Variants in PCDHGA7 observed in about 807,000 individuals in gnomAD.
PCDHGA7 encodes protocadherin gamma subfamily A, 7.
PCDHGA7 carries 44 observed loss-of-function variants against 58.3 expected under a neutral mutation model. That is an observed-to-expected ratio of 0.75 (90% CI 0.59 to 0.97). The LOEUF is 0.97. Among genes scored for constraint, PCDHGA7 ranks in the 50% least tolerant of loss-of-function variants. PCDHGA7 has a pLI of 0.00. For missense variants in PCDHGA7, 1,266 were observed against 1,188.7 expected (o/e 1.06, Z -0.96); for synonymous variants, 516 against 504.2 (o/e 1.02, Z -0.31).
chr5:141,432,622 G>A lies in PCDHGA7; in HGVS notation c.2424+47299G>A. 6.2e-7 allele frequency: 1 copy of A among 1,612,776 alleles called. No individual in the cohort carries two copies. The stretch of plus-strand genomic sequence containing the variant: ...AGCCGGGACTCTTCTCGGTGGGTCT[G>A]CACACGGGCGAGGTGCGCACGGCGC... On this transcript the variant is annotated intron_variant, in intron 1 of 3. Transcript: ENST00000518325. This position sits in a 1 kb window ranked among gnomAD's most constrained non-coding sequence, Gnocchi z 6.0.
intron 1 of PCDHGA7, among the ~76,000 whole-genome samples, chr5:141,435,652 G>A (rs978809372): frequency 3.9e-5 from 6 of 152,226 alleles, no homozygotes; most frequent in East Asian, 1.9e-4. Flanking sequence ...TTTCTGAAAC[G>A]TGCACAGATT....
Position 141,491,248 on chromosome 5 carries a change from G to T in PCDHGA7, c.2425-3559G>T, listed in dbSNP as rs757712577. On this transcript the variant is annotated intron_variant, in intron 1 of 3. Transcript: ENST00000518325. The surrounding 1 kb of genome is among the most constrained non-coding windows in gnomAD (Gnocchi z 6.9). ...AGTGCTGCTGGTTCTGGAGGATGAG[G>T]ACCCTGAGGAAATGCCCAAATCCAG... 3 of 1,614,170 alleles carry T rather than the reference G, an allele frequency of 1.9e-6. No individual in the cohort carries two copies. Among genetic ancestry groups the T allele is most frequent in the Non-Finnish European group, 2.5e-6 (3 of 1,180,018 alleles).
Position 141,490,685 on chromosome 5 carries a change from A to G in PCDHGA7, c.2425-4122A>G, listed in dbSNP as rs2099703028. On this transcript the variant is annotated intron_variant, in intron 1 of 3. Coordinates refer to ENST00000518325, the MANE Select transcript of PCDHGA7 (RefSeq NM_018920.4). The surrounding 1 kb of genome is among the most constrained non-coding windows in gnomAD (Gnocchi z 5.4). ...TGCACTGTGGCTGCCTCAGATCCAGACACTGGGGATAATGCCCGCCTCACC... is the reference window on the plus strand; with the variant it reads ...TGCACTGTGGCTGCCTCAGATCCAGGCACTGGGGATAATGCCCGCCTCACC... The G allele has an allele frequency of 1.9e-6, 3 of 1,614,030 alleles. No individual in the cohort carries two copies. Among genetic ancestry groups the G allele is most frequent in the South Asian group, 2.2e-5 (2 of 91,082 alleles).
intron 1 of PCDHGA7, among the ~76,000 whole-genome samples, chr5:141,449,007 T>A (rs937327801): frequency 3.3e-5 from 5 of 152,116 alleles, no homozygotes; most frequent in African/African-American, 1.2e-4. Context: ...CTGTTTTTTT[T>A]AACAGTTGCT....
intron 1 of PCDHGA7, among the ~76,000 whole-genome samples, chr5:141,425,504 T>A (rs1049969153): frequency 2.6e-5 from 4 of 152,260 alleles, no homozygotes; most frequent in Non-Finnish European, 5.9e-5. Flanking sequence ...TACCTTTATA[T>A]TCTCTTTATG....
chr5:141,406,258 G>A (rs895877034), intron 1 of PCDHGA7, among the ~76,000 whole-genome samples: 2 of 151,882 alleles, frequency 1.3e-5, no homozygotes, highest in African/African-American at 4.8e-5. Context: ...GGTCTCAAAC[G>A]ATCTTCCTGC....
At position 141,490,006 on chromosome 5, in the gene PCDHGA7, C is replaced by T; in HGVS notation, c.2425-4801C>T. The stretch of plus-strand genomic sequence containing the variant: ...ACGTGTGGGAATCCCAGAGAATGCA[C>T]CCATTGGTACTCTGCTGCTCCGCCT... On this transcript the variant is annotated intron_variant, in intron 1 of 3. Coordinates refer to ENST00000518325, the MANE Select transcript of PCDHGA7 (RefSeq NM_018920.4). This position sits in a 1 kb window ranked among gnomAD's most constrained non-coding sequence, Gnocchi z 5.4. 2 of 1,614,222 alleles carry T rather than the reference C, an allele frequency of 1.2e-6. No homozygotes were observed. The highest frequency in any genetic ancestry group is 1.7e-6 in the Non-Finnish European group (2 of 1,180,010).
intron 1 of PCDHGA7, chr5:141,389,516 G>A: frequency 6.2e-7 from 1 of 1,613,168 alleles, no homozygotes; most frequent in Non-Finnish European, 8.5e-7. Context: ...GCGCGAACGT[G>A]AGCCTGCGCG....
intron 1 of PCDHGA7, chr5:141,394,371 T>G: frequency 6.2e-7 from 1 of 1,614,174 alleles, no homozygotes; most frequent in Non-Finnish European, 8.5e-7. Context: ...GCTGCAATCT[T>G]TCGACTATGA....
chr5:141,491,493 G>A lies in PCDHGA7; in HGVS notation c.2425-3314G>A, dbSNP rs1008591563. On this transcript the variant is annotated intron_variant, in intron 1 of 3. Transcript: ENST00000518325. This position sits in a 1 kb window ranked among gnomAD's most constrained non-coding sequence, Gnocchi z 6.9. ...AGCAGTCCAGCCCCAACCTGCAGGT[G>A]AGCTCGGACGGCACGCTCAAGTACA... 6.2e-7 allele frequency: 1 copy of A among 1,614,000 alleles called. No homozygotes were observed. Among genetic ancestry groups the A allele is most frequent in the African/African-American group, 1.3e-5 (1 of 74,928 alleles).
In PCDHGA7 at chr5:141,490,770, C is replaced by T. The variant is rs774014462; in HGVS notation, c.2425-4037C>T. 1.2e-6 allele frequency: 2 copies of T among 1,614,120 alleles called. No individual in the cohort carries two copies. Among genetic ancestry groups the T allele is most frequent in the Non-Finnish European group, 8.5e-7 (1 of 1,179,968 alleles). ...CAGCCTCCTCCTTTGTGTATGTCAA[C>T]CCAGAGGATGGACGGATCTTTGCCC... On this transcript the variant is annotated intron_variant, in intron 1 of 3. Transcript: ENST00000518325. The surrounding 1 kb of genome is among the most constrained non-coding windows in gnomAD (Gnocchi z 5.4).
chr5:141,408,313 T>C, intron 1 of PCDHGA7: 1 of 1,613,758 alleles, frequency 6.2e-7, no homozygotes, highest in South Asian at 1.1e-5. Context: ...GCTACTCGAT[T>C]CCGGAGGAGC....
chr5:141,405,201 T>C, intron 1 of PCDHGA7: 1 of 1,614,050 alleles, frequency 6.2e-7, no homozygotes, highest in Non-Finnish European at 8.5e-7. Context: ...CGAGCTTTCC[T>C]ACAGACCTAT....
Position 141,477,143 on chromosome 5 carries a change from G to A in PCDHGA7, c.2425-17664G>A. Reference sequence around the variant, plus strand: ...ACATTGCAAAGTGTTGGTGGAGGTTGTGGATGTGAATGACAACGCCCCGGA... The same window carrying A: ...ACATTGCAAAGTGTTGGTGGAGGTTATGGATGTGAATGACAACGCCCCGGA... On this transcript the variant is annotated intron_variant, in intron 1 of 3. Transcript: ENST00000518325. This position sits in a 1 kb window ranked among gnomAD's most constrained non-coding sequence, Gnocchi z 4.9. 6.2e-7 allele frequency: 1 copy of A among 1,614,198 alleles called. No individual in the cohort carries two copies. Among genetic ancestry groups the A allele is most frequent in the Non-Finnish European group, 8.5e-7 (1 of 1,180,036 alleles).
rs1433790348 is a variant in PCDHGA7, at chr5:141,431,831, G to A, written c.2424+46508G>A. The A allele has an allele frequency of 1.2e-6, 2 of 1,614,110 alleles. No homozygotes were observed. The highest frequency in any genetic ancestry group is 1.7e-6 in the Non-Finnish European group (2 of 1,180,040). On this transcript the variant is annotated intron_variant, in intron 1 of 3. Transcript: ENST00000518325. The surrounding 1 kb of genome is among the most constrained non-coding windows in gnomAD (Gnocchi z 4.8). Reference sequence around the variant, plus strand: ...CACCTCTCTCGCCAGCTCGGTTCCCGAAAACTCTCCCAGAGGGACATTAAT... The same window carrying A: ...CACCTCTCTCGCCAGCTCGGTTCCCAAAAACTCTCCCAGAGGGACATTAAT...
At chr5:141,408,479 G>A in intron 1 of PCDHGA7, 1 of 1,614,074 alleles carries the variant, frequency 6.2e-7, no homozygotes, top group Non-Finnish European at 8.5e-7. Flanking sequence ...AATAGACCGT[G>A]AGCAAATATG....
At chr5:141,425,021 CT>C (rs1561817318) in intron 1 of PCDHGA7, among the ~76,000 whole-genome samples, 1 of 152,054 alleles carries the variant, frequency 6.6e-6, no homozygotes, top group Non-Finnish European at 1.5e-5. Context: ...AGGAATTTAC[CT>C]TATGTCATTA....
intron 1 of PCDHGA7, chr5:141,400,564 C>G (rs532914635): frequency 1.9e-6 from 3 of 1,612,936 alleles, no homozygotes; most frequent in Admixed American, 1.7e-5. Flanking sequence ...ATTACCCACC[C>G]AATTTTCTGT....
At chr5:141,420,050 C>T in intron 1 of PCDHGA7, 1 of 1,614,076 alleles carries the variant, frequency 6.2e-7, no homozygotes, top group Non-Finnish European at 8.5e-7. Flanking sequence ...TGAGTCAGTT[C>T]TCTGCTCCAA....
Sources: allele counts gnomAD v4.1 joint callset (sites outside exome capture counted in the v4.1 genomes callset), GRCh38; gene constraint gnomAD v4.1.1; non-coding constraint Gnocchi (gnomAD v3.1); transcripts MANE v1.5; gene names NCBI Gene and HGNC (gene_info 2026-07-23, HGNC 2026-07-21).